PIK3C2G: variants seen among roughly 807,000 people sequenced by gnomAD.
The protein encoded by PIK3C2G is phosphatidylinositol-4-phosphate 3-kinase catalytic subunit type 2 gamma, also known as phosphatidylinositol 3-kinase C2 domain-containing subunit gamma.
Under a neutral mutation model 181.1 loss-of-function variants are expected in PIK3C2G, and 168 were observed. The ratio of observed to expected loss-of-function variants is 0.93; its 90% CI spans 0.82 to 1.05. The LOEUF is 1.05. Among genes scored for constraint, PIK3C2G ranks in the 50% least tolerant of loss-of-function variants. The pLI, the probability that PIK3C2G is intolerant of heterozygous loss-of-function variation, is 0.00. For synonymous variants in PIK3C2G, 573 were observed against 592.2 expected, an observed-to-expected ratio of 0.97 and a Z score of 0.47; for missense variants, 1,869 against 1,732.8, an observed-to-expected ratio of 1.08 and a Z score of -1.40.
intron 8 of PIK3C2G, 119 bp downstream of exon 8, chr12:18,325,217 C>T (rs1951285933): frequency 6.5e-6 from 4 of 614,538 alleles, no homozygotes; most frequent in Non-Finnish European, 1.1e-5. Flanking sequence ...AGGATCTACA[C>T]TTGAAAGGCT....
chr12:18,308,559 T>C (rs1323719750), intron 5 of PIK3C2G, among the ~76,000 whole-genome samples: 1 of 151,312 alleles, frequency 6.6e-6, no homozygotes, highest in Non-Finnish European at 1.5e-5. Context: ...CTTGCTTGAC[T>C]TGCTGTATTA....
At chr12:18,585,844 C>T (rs1946745624) in intron 29 of PIK3C2G, among the ~76,000 whole-genome samples, 1 of 152,176 alleles carries the variant, frequency 6.6e-6, no homozygotes, top group Non-Finnish European at 1.5e-5. Context: ...TGATACCAAA[C>T]ACTTTCTCAG....
chr12:18,544,156 T>C (rs1944305809), intron 25 of PIK3C2G, among the ~76,000 whole-genome samples: 1 of 151,742 alleles, frequency 6.6e-6, no homozygotes. Flanking sequence ...GAAAAATGTA[T>C]GTGTGGAGGT....
chr12:18,695,533 C>T, the PIK3C2G span, among the ~76,000 whole-genome samples: 1 of 152,046 alleles, frequency 6.6e-6, no homozygotes, highest in Non-Finnish European at 1.5e-5. Context: ...TATGGAAGTA[C>T]CTCAGTATAG....
intron 15 of PIK3C2G, among the ~76,000 whole-genome samples, chr12:18,394,396 C>G (rs1227259054): frequency 6.6e-6 from 1 of 151,948 alleles, no homozygotes; most frequent in Non-Finnish European, 1.5e-5. Flanking sequence ...ATTGAGAAAA[C>G]TATTGGAAAA....
chr12:18,707,618 C>T, the PIK3C2G span, among the ~76,000 whole-genome samples: 2 of 152,100 alleles, frequency 1.3e-5, no homozygotes, highest in Non-Finnish European at 2.9e-5. Flanking sequence ...TCCCTTAAAA[C>T]TTAGATTTCT....
chr12:18,399,044 A>C (rs988170134), intron 15 of PIK3C2G, among the ~76,000 whole-genome samples: 11 of 146,702 alleles, frequency 7.5e-5, no homozygotes, highest in African/African-American at 2.5e-4. Context: ...AAATACAAAA[A>C]ATTAGCCGGG....
intron 6 of PIK3C2G, among the ~76,000 whole-genome samples, chr12:18,317,107 G>A (rs543369086): frequency 1.5e-4 from 22 of 147,166 alleles, no homozygotes; most frequent in Non-Finnish European, 1.3e-4. Context: ...TCCGCCTCCC[G>A]GGTTCAAGTG....
the PIK3C2G span, among the ~76,000 whole-genome samples, chr12:18,673,449 C>G: frequency 6.6e-6 from 1 of 151,962 alleles, no homozygotes; most frequent in South Asian, 2.1e-4. Context: ...TTATGGAATT[C>G]TAAAACTATT....
At chr12:18,693,128 T>C in the PIK3C2G span, 11 of 1,517,592 alleles carry the variant, frequency 7.2e-6, no homozygotes, top group East Asian at 2.5e-4. Flanking sequence ...AGATCATTGA[T>C]GACAATCATG....
At chr12:18,315,892 C>T (rs1214994204) in intron 6 of PIK3C2G, among the ~76,000 whole-genome samples, 5 of 147,574 alleles carry the variant, frequency 3.4e-5, no homozygotes, top group East Asian at 3.9e-4. Context: ...CATGCATCCA[C>T]GTGTGTGTGT....
At chr12:18,400,857 C>T (rs986913257) in intron 16 of PIK3C2G, among the ~76,000 whole-genome samples, 4 of 151,772 alleles carry the variant, frequency 2.6e-5, no homozygotes, top group African/African-American at 9.7e-5. Flanking sequence ...GGATGCCTAC[C>T]TCTTTCTTTA....
intron 31 of PIK3C2G, among the ~76,000 whole-genome samples, chr12:18,622,304 C>CAGT (rs1246859925): frequency 6.6e-6 from 1 of 151,816 alleles, no homozygotes. Flanking sequence ...TGAGAACATG[C>CAGT]AGTATCTGTC....
chr12:18,315,740 G>A (rs1348294262), intron 6 of PIK3C2G, among the ~76,000 whole-genome samples: 1 of 152,140 alleles, frequency 6.6e-6, no homozygotes. Flanking sequence ...GAGCAGAGAA[G>A]TACAGATTTG....
rs149711231 is a variant in PIK3C2G at position 18,612,241 on chromosome 12, A to G, written c.4182+2612A>G. 1.4e-3 allele frequency among the ~76,000 whole-genome samples: 209 copies of G among 152,120 alleles called. 1 individual carries two copies. The highest frequency in any genetic ancestry group is 4.9e-3 in the African/African-American group (204 of 41,502). ...ATGTTCTTCCCAAGCTCATGGATCAATATTCTCTGTGGCTCAATCTCACAT... is the reference window on the plus strand; with the variant it reads ...ATGTTCTTCCCAAGCTCATGGATCAGTATTCTCTGTGGCTCAATCTCACAT... On this transcript the variant is annotated intron_variant, in intron 31 of 32. Transcript: ENST00000538779.
At chr12:18,458,900 A>G (rs891995505) in intron 18 of PIK3C2G, among the ~76,000 whole-genome samples, 8 of 151,894 alleles carry the variant, frequency 5.3e-5, no homozygotes, top group African/African-American at 1.9e-4. Context: ...CTCTCCTTAC[A>G]ACCACCAGGA....
intron 18 of PIK3C2G, among the ~76,000 whole-genome samples, chr12:18,426,545 A>C (rs1446060769): frequency 1.3e-5 from 2 of 152,170 alleles, no homozygotes; most frequent in African/African-American, 2.4e-5. Flanking sequence ...TTCATAGGAC[A>C]AAGTTTTAAC....
chr12:18,515,116 T>C (rs1414632628), intron 24 of PIK3C2G, among the ~76,000 whole-genome samples: 3 of 152,008 alleles, frequency 2.0e-5, no homozygotes, highest in Non-Finnish European at 4.4e-5. Context: ...ATCTTTTTAA[T>C]GTGTTGTTGA....
chr12:18,670,565 G>A, the PIK3C2G span, among the ~76,000 whole-genome samples: 1 of 152,034 alleles, frequency 6.6e-6, no homozygotes, highest in African/African-American at 2.4e-5. Context: ...TTGATATGAG[G>A]GTTAACTTCC....
Sources: gnomAD v4.1 joint callset for allele counts (sites outside exome capture counted in the v4.1 genomes callset) on GRCh38, gnomAD v4.1.1 for gene constraint, MANE v1.5 for transcripts, NCBI Gene and HGNC (gene_info 2026-07-23, HGNC 2026-07-21) for gene names.